ESR1: variants seen among roughly 807,000 people sequenced by gnomAD.
The protein encoded by ESR1 is estrogen receptor.
ESR1 carries 12 observed loss-of-function variants against 52.7 expected under a neutral mutation model. The ratio of observed to expected loss-of-function variants is 0.23; its 90% CI spans 0.15 to 0.37. The LOEUF is 0.37. Among genes scored for constraint, ESR1 ranks in the 10% least tolerant of loss-of-function variants. The pLI, the probability that ESR1 is intolerant of heterozygous loss-of-function variation, is 1.00. For missense variants in ESR1, 584 were observed against 779.7 expected (o/e 0.75, Z 2.99); for synonymous variants, 305 against 316.8 (o/e 0.96, Z 0.39).
chr6:151,854,253 T>C (rs1268241643), intron 2 of ESR1, among the ~76,000 whole-genome samples: 1 of 152,210 alleles, frequency 6.6e-6, no homozygotes, highest in Non-Finnish European at 1.5e-5. Context: ...GAAAATCTAT[T>C]TCATAAGTCT....
At chr6:151,885,360 T>C (rs909582338) in intron 3 of ESR1, among the ~76,000 whole-genome samples, 3 of 152,074 alleles carry the variant, frequency 2.0e-5, no homozygotes, top group Admixed American at 2.0e-4. Context: ...CACTCCCAGG[T>C]TTAGTCCAAC....
chr6:152,108,881 G>GA (rs2051098663), intron 6 of ESR1, among the ~76,000 whole-genome samples: 10 of 152,208 alleles, frequency 6.6e-5, no homozygotes, highest in Admixed American at 6.5e-4. Flanking sequence ...CTGCTACAAA[G>GA]AAATACCTGA....
chr6:151,926,486 T>A (rs2032765132), intron 3 of ESR1, among the ~76,000 whole-genome samples: 3 of 152,160 alleles, frequency 2.0e-5, no homozygotes, highest in African/African-American at 7.2e-5. Context: ...ATATTGAACT[T>A]TCAATCTCTA....
chr6:152,040,291 C>G (rs556449988), intron 5 of ESR1, among the ~76,000 whole-genome samples: 25 of 152,290 alleles, frequency 1.6e-4, no homozygotes, highest in African/African-American at 6.0e-4. Context: ...GTTCATGGGC[C>G]TATTGGGCGA....
At chr6:151,734,843 A>T (rs6904031) in intron 2 of ESR1, among the ~76,000 whole-genome samples, 14,459 of 151,956 alleles carry the variant, frequency 0.095, 845 homozygotes, top group African/African-American at 0.15. Flanking sequence ...GCTAGTCTGG[A>T]ACTCCTGACC....
chr6:151,903,681 G>A (rs1405137531), intron 3 of ESR1, among the ~76,000 whole-genome samples: 1 of 152,166 alleles, frequency 6.6e-6, no homozygotes, highest in East Asian at 1.9e-4. Flanking sequence ...ACCTCTCACA[G>A]GGAAGAGCAC....
At chr6:152,055,085 G>A (rs2046993503) in intron 5 of ESR1, among the ~76,000 whole-genome samples, 1 of 151,848 alleles carries the variant, frequency 6.6e-6, no homozygotes, top group Non-Finnish European at 1.5e-5. Context: ...TTGCTCATCT[G>A]TTGATGGTCA....
chr6:151,972,582 G>A (rs921518726), intron 4 of ESR1, among the ~76,000 whole-genome samples: 8 of 152,140 alleles, frequency 5.3e-5, no homozygotes, highest in African/African-American at 1.4e-4. Context: ...TGCAGAAAAA[G>A]CATTTGACAA....
At position 151,891,209 on chromosome 6, in the gene ESR1, C is replaced by A. The variant is rs74713409; in HGVS notation, c.760+10438C>A. On this transcript the variant is annotated intron_variant, in intron 3 of 7. Transcript: ENST00000206249. ...AATTTTGATTCCTATCAGAAGAAAA[C>A]TGAGGTATCTTTATGTACCTTTTCA... Among the ~76,000 whole-genome samples the A allele has an allele frequency of 3.4e-4, 52 of 152,240 alleles. No homozygotes were observed. The East Asian group carries it at 7.5e-3, about 22-fold the overall frequency.
At chr6:152,067,376 AGC>A (rs1165311476) in intron 6 of ESR1, among the ~76,000 whole-genome samples, 4 of 152,192 alleles carry the variant, frequency 2.6e-5, no homozygotes, top group African/African-American at 9.7e-5. Flanking sequence ...AGATGTTAGG[AGC>A]CATTTTCCAT....
intron 6 of ESR1, among the ~76,000 whole-genome samples, chr6:152,084,437 A>T (rs2049518604): frequency 2.0e-5 from 3 of 150,250 alleles, no homozygotes; most frequent in Non-Finnish European, 4.4e-5. Flanking sequence ...AAAAAGAAAG[A>T]AAAGAAAAGA....
intron 6 of ESR1, among the ~76,000 whole-genome samples, chr6:152,062,862 C>T (rs191446991): frequency 3.8e-4 from 58 of 152,302 alleles, no homozygotes; most frequent in African/African-American, 1.4e-3. Context: ...GCTCTGATCT[C>T]AGTAATAAAA....
intron 2 of ESR1, among the ~76,000 whole-genome samples, chr6:151,872,680 T>A (rs1011227683): frequency 1.3e-5 from 2 of 152,234 alleles, no homozygotes; most frequent in African/African-American, 4.8e-5. Context: ...GTTTTCTAAT[T>A]CTATGCTGCT....
chr6:151,991,632 G>A (rs1217652550), intron 4 of ESR1, among the ~76,000 whole-genome samples: 1 of 152,154 alleles, frequency 6.6e-6, no homozygotes, highest in Non-Finnish European at 1.5e-5. Flanking sequence ...CTGATTTGGG[G>A]AAGATGATTC....
intron 5 of ESR1, among the ~76,000 whole-genome samples, chr6:152,032,247 C>G (rs1461716398): frequency 6.6e-6 from 1 of 152,182 alleles, no homozygotes; most frequent in African/African-American, 2.4e-5. Flanking sequence ...GGGATGCCCT[C>G]TCTCACCACT....
chr6:151,948,957 C>G (rs751904495), intron 4 of ESR1, among the ~76,000 whole-genome samples: 1 of 152,136 alleles, frequency 6.6e-6, no homozygotes, highest in Non-Finnish European at 1.5e-5. Flanking sequence ...AATAAATGAA[C>G]AAATGAAAGG....
At chr6:152,073,868 T>C (rs2048531021) in intron 6 of ESR1, among the ~76,000 whole-genome samples, 1 of 152,208 alleles carries the variant, frequency 6.6e-6, no homozygotes, top group Admixed American at 6.5e-5. Context: ...TTCGCCTCAG[T>C]TTCCCAACAA....
At chr6:151,996,914 C>T (rs1370063977) in intron 4 of ESR1, among the ~76,000 whole-genome samples, 1 of 152,016 alleles carries the variant, frequency 6.6e-6, no homozygotes, top group Non-Finnish European at 1.5e-5. Context: ...AGGAGACCAT[C>T]CACTATCTAT....
Position 151,944,177 on chromosome 6 carries a change from A to G in ESR1, c.765A>G (p.Ile255Met), listed in dbSNP as rs2128525940. Residue 255 changes from isoleucine to methionine, a missense_variant, in exon 4 of 8, where the codon ATA becomes ATG. Transcript: ENST00000206249. ...CYEVGMMKGG[I>M]RKDRRGGRML... ...TTTTTCCACCTGTGTTTTCAGGGAT[A>G]CGAAAAGACCGAAGAGGAGGGAGAA... is the stretch of plus-strand genomic sequence containing the variant. The G allele has an allele frequency of 6.2e-7, 1 of 1,613,728 alleles. No homozygotes were observed. Among genetic ancestry groups the G allele is most frequent in the Non-Finnish European group, 8.5e-7 (1 of 1,179,808 alleles).
Sources: allele counts gnomAD v4.1 joint callset (sites outside exome capture counted in the v4.1 genomes callset), GRCh38; gene constraint gnomAD v4.1.1; transcripts MANE v1.5; gene names NCBI Gene and HGNC (gene_info 2026-07-23, HGNC 2026-07-21).